Variants in DNAH3 observed in about 807,000 individuals in gnomAD.
DNAH3 encodes dynein axonemal heavy chain 3.
DNAH3 carries 332 observed loss-of-function variants against 432.5 expected under a neutral mutation model. The observed-to-expected ratio is 0.77, with a 90% CI of 0.70 to 0.84. The LOEUF is 0.84. Ranked by LOEUF, DNAH3 falls within the 40% of genes least tolerant of loss-of-function variation. DNAH3 has a pLI of 0.00. For missense variants in DNAH3, 4,861 were observed against 5,114.0 expected, an observed-to-expected ratio of 0.95 and a Z score of 1.51; for synonymous variants, 1,956 against 1,900.2, an observed-to-expected ratio of 1.03 and a Z score of -0.76.
At position 21,150,001 on chromosome 16, in the gene DNAH3, G is replaced by A. The variant is rs1322606611; in HGVS notation, c.118-3913C>T. Among the ~76,000 whole-genome samples the A allele has an allele frequency of 4.6e-5, 7 of 152,104 alleles. 2 individuals carry two copies. In the South Asian group the frequency reaches 1.0e-3, roughly 23 times the overall value. On this transcript the variant is annotated intron_variant, in intron 1 of 61. Transcript: ENST00000261383. ...AGCACTTTGGGAGGCTGAGGCAGGC[G>A]GATCTCCTGAGATCGGGAGTTCAAG...
At chr16:21,088,591 C>T (rs531197838) in intron 18 of DNAH3, among the ~76,000 whole-genome samples, 1 of 152,264 alleles carries the variant, frequency 6.6e-6, no homozygotes, top group Admixed American at 6.5e-5. Context: ...ATTTGAAGAG[C>T]AGTTATGGAT....
intron 53 of DNAH3, 50 bp downstream of exon 53, chr16:20,963,234 C>A (rs1241531334): frequency 1.3e-6 from 2 of 1,551,876 alleles, no homozygotes; most frequent in Admixed American, 1.8e-5. Context: ...CTGATATCCA[C>A]CCACACATAC....
At chr16:20,964,909 T>A in exon 53 of DNAH3, 2 of 1,614,202 alleles carry the variant, frequency 1.2e-6, no homozygotes, top group Non-Finnish European at 1.7e-6. Context: ...CAGATTAGTA[T>A]AGCGGATCCC....
At chr16:20,940,224 G>C (rs916026426) in intron 59 of DNAH3, among the ~76,000 whole-genome samples, 1 of 152,004 alleles carries the variant, frequency 6.6e-6, no homozygotes, top group African/African-American at 2.4e-5. Flanking sequence ...CTGAATCTCA[G>C]AGTTTTTTTT....
At chr16:20,941,162 G>A (rs560296074) in intron 59 of DNAH3, among the ~76,000 whole-genome samples, 10 of 152,258 alleles carry the variant, frequency 6.6e-5, no homozygotes, top group African/African-American at 1.9e-4. Flanking sequence ...CTTGATACTG[G>A]TTTTAGCCTA....
At chr16:21,056,375 T>TCC in intron 27 of DNAH3, among the ~76,000 whole-genome samples, 1 of 139,336 alleles carries the variant, frequency 7.2e-6, no homozygotes, top group Non-Finnish European at 1.6e-5. Context: ...TCCTTCTTTT[T>TCC]TCCTCCCTCC....
chr16:20,945,527 G>C (rs528956341), intron 57 of DNAH3, among the ~76,000 whole-genome samples: 1 of 148,494 alleles, frequency 6.7e-6, no homozygotes, highest in East Asian at 2.0e-4. Context: ...GATTCTTGCT[G>C]TCTGCCAGGC....
chr16:20,961,927 G>A (rs1410283034), intron 53 of DNAH3, among the ~76,000 whole-genome samples: 3 of 151,578 alleles, frequency 2.0e-5, no homozygotes, highest in African/African-American at 2.4e-5. Flanking sequence ...TTGGGAGGCC[G>A]AGGTGGGTGG....
intron 44 of DNAH3, 78 bp from the exon 45 acceptor site, chr16:20,988,143 G>A (rs1388387358): frequency 1.3e-6 from 2 of 1,571,424 alleles, no homozygotes; most frequent in South Asian, 2.3e-5. Flanking sequence ...GGATGCACAC[G>A]AGGTGGCTTT....
intron 57 of DNAH3, among the ~76,000 whole-genome samples, chr16:20,946,346 C>T (rs1056222894): frequency 2.0e-5 from 3 of 152,198 alleles, no homozygotes; most frequent in Non-Finnish European, 2.9e-5. Context: ...CTGGCCTCCA[C>T]TTCGAGTTTT....
chr16:21,049,613 G>T, exon 31 of DNAH3: 1 of 1,614,170 alleles, frequency 6.2e-7, no homozygotes, highest in Non-Finnish European at 8.5e-7. Context: ...GCTCCAGCCT[G>T]TGCCAGCCCC....
intron 50 of DNAH3, among the ~76,000 whole-genome samples, chr16:20,977,641 C>T (rs1291022795): frequency 6.6e-6 from 1 of 152,182 alleles, no homozygotes; most frequent in Non-Finnish European, 1.5e-5. Context: ...ATCTAAGTTT[C>T]AGTTCTAGCT....
intron 41 of DNAH3, among the ~76,000 whole-genome samples, chr16:21,018,877 A>G (rs1188056144): frequency 6.6e-6 from 1 of 151,114 alleles, no homozygotes; most frequent in Non-Finnish European, 1.5e-5. Flanking sequence ...CAGGAGCAAG[A>G]GAGCAACACT....
chr16:21,067,476 G>T (rs2090596166), intron 23 of DNAH3, 57 bp from the exon 24 acceptor site: 2 of 1,593,288 alleles, frequency 1.3e-6, no homozygotes, highest in East Asian at 2.2e-5. Flanking sequence ...TCTGAGATTG[G>T]TCATTGTATT....
Position 20,955,153 on chromosome 16 carries a change from C to T in DNAH3, c.10827-96G>A. ...AAACAATAACAATAACAAAACAGAC[C>T]AGCCTGGGTAACATGGTAAAACCCC... On this transcript the variant is annotated intron_variant, in intron 54 of 61. Transcript: ENST00000261383. 3 of 1,279,300 alleles carry T rather than the reference C, an allele frequency of 2.3e-6. No homozygotes were observed. In the South Asian group the frequency reaches 5.2e-5, roughly 22 times the overall value. The allele number at this position is 1,279,300 out of a possible 1,614,324, so 79.2% of individuals were successfully genotyped here.
chr16:21,073,285 G>GT (rs1163754042), intron 21 of DNAH3, among the ~76,000 whole-genome samples: 1 of 152,188 alleles, frequency 6.6e-6, no homozygotes, highest in African/African-American at 2.4e-5. Flanking sequence ...CTTGTCTGTA[G>GT]TTACTTTAGG....
intron 33 of DNAH3, among the ~76,000 whole-genome samples, chr16:21,038,236 C>T (rs1487878025): frequency 3.3e-5 from 5 of 152,188 alleles, no homozygotes; most frequent in Non-Finnish European, 7.3e-5. Flanking sequence ...TGCAGTGGCT[C>T]ATGCCTGTGA....
chr16:20,975,289 C>T (rs1172759350), exon 51 of DNAH3: 1 of 1,614,136 alleles, frequency 6.2e-7, no homozygotes, highest in Non-Finnish European at 8.5e-7. Context: ...TCTGCCTGCA[C>T]CAGAAGTTTC....
chr16:20,940,122 G>A (rs760906508), intron 59 of DNAH3, among the ~76,000 whole-genome samples: 12 of 152,162 alleles, frequency 7.9e-5, no homozygotes, highest in Admixed American at 2.0e-4. Flanking sequence ...TAAGTACACG[G>A]GCTCTGGAAT....
Sources: allele counts gnomAD v4.1 joint callset (sites outside exome capture counted in the v4.1 genomes callset), GRCh38; gene constraint gnomAD v4.1.1; transcripts MANE v1.5; gene names NCBI Gene and HGNC (gene_info 2026-07-23, HGNC 2026-07-21).